Variants in VAMP7 observed in about 807,000 individuals in gnomAD.
VAMP7 encodes the protein vesicle-associated membrane protein 7.
Under a neutral mutation model 29.6 loss-of-function variants are expected in VAMP7, and 14 were observed. The observed-to-expected ratio is 0.47, with a 90% CI of 0.31 to 0.74. The LOEUF is 0.74. Among genes scored for constraint, VAMP7 ranks in the 30% least tolerant of loss-of-function variants. The pLI is 0.05. For missense variants in VAMP7, 223 were observed against 262.4 expected (o/e 0.85, Z 1.04); for synonymous variants, 95 against 88.1 (o/e 1.08, Z -0.44).
At chrX:155,891,721 T>TC (rs1208284744) in intron 2 of VAMP7, among the ~76,000 whole-genome samples, 1 of 152,238 alleles carries the variant, frequency 6.6e-6, no homozygotes, top group Admixed American at 6.5e-5. Context: ...TCACCCTTTT[T>TC]CCCTGACTCC....
intron 6 of VAMP7, among the ~76,000 whole-genome samples, chrX:155,935,271 C>T (rs1270920391): frequency 6.6e-6 from 1 of 152,114 alleles, no homozygotes. Context: ...GGGAAGTTCT[C>T]CTGGCTAATA....
intron 5 of VAMP7, among the ~76,000 whole-genome samples, chrX:155,900,795 A>T (rs895846636): frequency 3.3e-5 from 5 of 152,110 alleles, no homozygotes; most frequent in Admixed American, 6.6e-5. Flanking sequence ...TAAATTTACT[A>T]GTTTGCTTAA....
At chrX:155,908,553 G>A (rs1423030111) in intron 5 of VAMP7, among the ~76,000 whole-genome samples, 2 of 151,894 alleles carry the variant, frequency 1.3e-5, no homozygotes, top group Non-Finnish European at 2.9e-5. Context: ...GGGAGACCGT[G>A]GGGAGAGTGA....
chrX:155,941,364 C>T lies in VAMP7; in HGVS notation c.595-519C>T, dbSNP rs1164608650. Among the ~76,000 whole-genome samples the T allele has an allele frequency of 3.3e-5, 5 of 152,078 alleles. No homozygotes were observed. In the South Asian group the frequency reaches 6.2e-4, roughly 19 times the overall value. On this transcript the variant is annotated intron_variant, in intron 7 of 7. Coordinates refer to ENST00000286448, the MANE Select transcript of VAMP7 (RefSeq NM_005638.6). ...ATCTGCTTTTCATTGTTTTGGTCATCGTAATTATTGTGTCATTATCCACTG... is the reference window on the plus strand; with the variant it reads ...ATCTGCTTTTCATTGTTTTGGTCATTGTAATTATTGTGTCATTATCCACTG...
chrX:155,899,060 C>A (rs962212332), intron 4 of VAMP7, among the ~76,000 whole-genome samples: 1 of 152,110 alleles, frequency 6.6e-6, no homozygotes, highest in Non-Finnish European at 1.5e-5. Flanking sequence ...ATTTGGGTTG[C>A]TTCCAGTTTT....
At chrX:155,907,143 C>A (rs2066158436) in intron 5 of VAMP7, among the ~76,000 whole-genome samples, 1 of 151,990 alleles carries the variant, frequency 6.6e-6, no homozygotes, top group Non-Finnish European at 1.5e-5. Flanking sequence ...TGAAATGAAT[C>A]CCACTGCATC....
At chrX:155,916,686 C>T (rs1262073242) in intron 5 of VAMP7, among the ~76,000 whole-genome samples, 1 of 152,132 alleles carries the variant, frequency 6.6e-6, no homozygotes, top group Non-Finnish European at 1.5e-5. Context: ...TATTCGCCCC[C>T]AGTCTCTTCT....
chrX:155,885,892 G>A (rs1291313191), intron 1 of VAMP7, among the ~76,000 whole-genome samples: 3 of 152,250 alleles, frequency 2.0e-5, no homozygotes, highest in Admixed American at 1.3e-4. Context: ...ACTGGTAGGC[G>A]ATACATTTCT....
rs1214072857 is a variant in VAMP7, at chrX:155,938,529, T to G, written c.502-1172T>G. On this transcript the variant is annotated intron_variant, in intron 6 of 7. Coordinates refer to ENST00000286448, the MANE Select transcript of VAMP7 (RefSeq NM_005638.6). ...GTGTTTTCACAAAGTAAACATACCA[T>G]GTAGAACCAACACCCAGATTAAGAA... 2.0e-5 allele frequency among the ~76,000 whole-genome samples: 3 copies of G among 152,198 alleles called. No individual in the cohort carries two copies. In the East Asian group the frequency reaches 5.8e-4, roughly 29 times the overall value.
chrX:155,933,352 A>G (rs2066593954), intron 6 of VAMP7, among the ~76,000 whole-genome samples: 1 of 152,036 alleles, frequency 6.6e-6, no homozygotes, highest in Non-Finnish European at 1.5e-5. Context: ...TTTGGTTGGT[A>G]AGCTATTAAT....
At chrX:155,939,043 C>T (rs2066704010) in intron 6 of VAMP7, among the ~76,000 whole-genome samples, 1 of 151,120 alleles carries the variant, frequency 6.6e-6, no homozygotes, top group African/African-American at 2.4e-5. Context: ...TAGTGCTGTC[C>T]AAAACATTTT....
chrX:155,914,890 G>A lies in VAMP7; in HGVS notation c.434-4923G>A, dbSNP rs775418106. Among the ~76,000 whole-genome samples the A allele has an allele frequency of 1.8e-4, 28 of 152,276 alleles. No homozygotes were observed. In the South Asian group the frequency reaches 5.6e-3, roughly 31 times the overall value. On this transcript the variant is annotated intron_variant, in intron 5 of 7. Coordinates refer to ENST00000286448, the MANE Select transcript of VAMP7 (RefSeq NM_005638.6). ...TGCTGGCCTCATAAAATGAGTTAGG[G>A]AGGAGTCCCTCTTCTTCTGTTGTTT...
At chrX:155,918,871 A>C (rs1184387937) in intron 5 of VAMP7, among the ~76,000 whole-genome samples, 4 of 152,074 alleles carry the variant, frequency 2.6e-5, no homozygotes, top group Middle Eastern at 3.2e-3. Flanking sequence ...TATTGATGGA[A>C]TGTTTCATGT....
At chrX:155,889,816 G>T (rs74904358) in intron 2 of VAMP7, among the ~76,000 whole-genome samples, 17,470 of 149,626 alleles carry the variant, frequency 0.12, 1,382 homozygotes, top group South Asian at 0.25. Context: ...TTATTGAAGT[G>T]ATATTTTATT....
chrX:155,907,528 G>A (rs866464341), intron 5 of VAMP7, among the ~76,000 whole-genome samples: 41 of 150,938 alleles, frequency 2.7e-4, no homozygotes, highest in African/African-American at 9.8e-4. Flanking sequence ...ATCTTGCACC[G>A]CCCTTAATCC....
At chrX:155,933,312 G>A (rs780369141) in intron 6 of VAMP7, among the ~76,000 whole-genome samples, 7 of 152,090 alleles carry the variant, frequency 4.6e-5, no homozygotes, top group African/African-American at 1.4e-4. Context: ...GGTAGAATTC[G>A]GCTGTGAATC....
Position 155,919,813 on chromosome X carries a change from A to T in VAMP7, c.434A>T (p.Asp145Val). 1 of 1,611,892 alleles carries T rather than the reference A, an allele frequency of 6.2e-7. No homozygotes were observed. The highest frequency in any genetic ancestry group is 8.5e-7 in the Non-Finnish European group (1 of 1,179,162). The stretch of plus-strand genomic sequence containing the variant: ...TTTTCTACTTTTCCAATATTTTCAG[A>T]TCTGGTAGCTCAGCGAGGAGAAAGA... The part of the protein sequence containing the change: ...ELKGIMVRNI[D>V]LVAQRGERLE... The change falls in exon 6 of 8, where the codon GAT becomes GTT. Residue 145 changes from aspartate to valine, a missense_variant and splice_region_variant. By Grantham distance (152) the Asp-to-Val change is radical. Coordinates refer to ENST00000286448, the MANE Select transcript of VAMP7 (RefSeq NM_005638.6).
chrX:155,889,523 T>C lies in VAMP7; in HGVS notation c.57T>C (p.Ala19=). The change falls in exon 2 of 8, where the codon GCT becomes GCC. Residue 19 remains alanine (A), a synonymous_variant. Transcript: ENST00000286448. ...ARGTTILAKH[A]WCGGNFLEVT... ...GGACCACTATCCTTGCCAAACATGC[T>C]TGGTGTGGAGGAAACTTCCTGGAGG... is the stretch of plus-strand genomic sequence containing the variant. The C allele has an allele frequency of 6.2e-7, 1 of 1,613,920 alleles. No individual in the cohort carries two copies. The highest frequency in any genetic ancestry group is 1.7e-4 in the Middle Eastern group (1 of 6,056).
chrX:155,894,339 A>T (rs1201695122), intron 2 of VAMP7, among the ~76,000 whole-genome samples: 1 of 142,314 alleles, frequency 7.0e-6, no homozygotes. Flanking sequence ...GTCCTTTTTA[A>T]AGTGCAAATC....
Sources: gnomAD v4.1 joint callset for allele counts (sites outside exome capture counted in the v4.1 genomes callset) on GRCh38, gnomAD v4.1.1 for gene constraint, MANE v1.5 for transcripts, NCBI Gene and HGNC (gene_info 2026-07-23, HGNC 2026-07-21) for gene names.